Variants in RASGRP1 observed in about 807,000 individuals in gnomAD.
The protein encoded by RASGRP1 is RAS guanyl-releasing protein 1.
RASGRP1 carries 37 observed loss-of-function variants against 95.1 expected under a neutral mutation model. That is an observed-to-expected ratio of 0.39 (90% CI 0.30 to 0.51). RASGRP1 has a LOEUF of 0.51. Ranked by LOEUF, RASGRP1 falls within the 20% of genes least tolerant of loss-of-function variation. The probability of loss-of-function intolerance (pLI) is 0.80; values close to 1 mark genes in which losing one functional copy is unlikely to be tolerated. For missense variants in RASGRP1, 711 were observed against 965.4 expected (o/e 0.74, Z 3.49); for synonymous variants, 325 against 353.4 (o/e 0.92, Z 0.90).
chr15:38,507,712 A>T lies in RASGRP1; in HGVS notation c.1242+14T>A. The T allele has an allele frequency of 6.4e-7, 1 of 1,553,210 alleles. No individual in the cohort carries two copies. The highest frequency in any genetic ancestry group is 8.7e-7 in the Non-Finnish European group (1 of 1,147,464). On this transcript the variant is annotated intron_variant, in intron 9 of 16. Transcript: ENST00000310803. ...AGAAAGTGCTTAGTAATTGTCCTCC[A>T]GTGTGAGCCTCACCGTCAGCAAGTG...
intron 4 of RASGRP1, among the ~76,000 whole-genome samples, chr15:38,519,006 A>T (rs1891895476): frequency 2.6e-5 from 4 of 152,234 alleles, no homozygotes; most frequent in African/African-American, 7.2e-5. Context: ...CTACATTTTT[A>T]AAAATGTTCT....
chr15:38,550,736 C>T (rs1019493244), intron 2 of RASGRP1, among the ~76,000 whole-genome samples: 1 of 152,084 alleles, frequency 6.6e-6, no homozygotes. Context: ...CAAAAAGTTA[C>T]TGTGATTATA....
chr15:38,509,851 G>A (rs1024721830), intron 8 of RASGRP1, among the ~76,000 whole-genome samples: 1 of 152,192 alleles, frequency 6.6e-6, no homozygotes, highest in South Asian at 2.1e-4. Flanking sequence ...GGGGACTACT[G>A]TAACCCTTTT....
At chr15:38,518,515 G>A in intron 4 of RASGRP1, 92 bp from the exon 5 acceptor site, 1 of 1,355,598 alleles carries the variant, frequency 7.4e-7, no homozygotes, top group Non-Finnish European at 1.0e-6. Flanking sequence ...GCCACAAAGA[G>A]AACTCAGAAA....
chr15:38,495,225 C>T (rs62003584), intron 15 of RASGRP1, among the ~76,000 whole-genome samples: 1,705 of 152,280 alleles, frequency 0.011, 20 homozygotes, highest in Non-Finnish European at 0.019. Context: ...CCCGTTTGTA[C>T]AGTGGGCACA....
intron 2 of RASGRP1, among the ~76,000 whole-genome samples, chr15:38,537,906 G>T (rs956643881): frequency 1.3e-5 from 2 of 152,184 alleles, no homozygotes; most frequent in Non-Finnish European, 2.9e-5. Context: ...GGTGAGTGAG[G>T]AATCTCTTAC....
intron 9 of RASGRP1, 98 bp downstream of exon 9, chr15:38,507,628 C>A: frequency 7.5e-7 from 1 of 1,339,940 alleles, no homozygotes. Flanking sequence ...CTTCATAGAG[C>A]CTTTATGAGG....
chr15:38,534,982 C>T (rs1020002474), intron 2 of RASGRP1, among the ~76,000 whole-genome samples: 6 of 152,162 alleles, frequency 3.9e-5, no homozygotes, highest in Admixed American at 3.3e-4. Flanking sequence ...CTGAAGCAAG[C>T]GAGTGGCTGA....
chr15:38,496,368 G>A (rs1242149457), intron 15 of RASGRP1, among the ~76,000 whole-genome samples: 1 of 152,184 alleles, frequency 6.6e-6, no homozygotes, highest in East Asian at 1.9e-4. Context: ...CTGTGGGGCA[G>A]GGTTTGGAAA....
chr15:38,535,564 G>A lies in RASGRP1; in HGVS notation c.221-9160C>T, dbSNP rs564424025. On this transcript the variant is annotated intron_variant, in intron 2 of 16. Coordinates refer to ENST00000310803, the MANE Select transcript of RASGRP1 (RefSeq NM_005739.4). ...GGGGTGAAAATTCACGTCCCCTAAGGGCCCACAGTGCCTGCGCTGGTCCAT... is the reference window on the plus strand; with the variant it reads ...GGGGTGAAAATTCACGTCCCCTAAGAGCCCACAGTGCCTGCGCTGGTCCAT... Among the ~76,000 whole-genome samples the A allele has an allele frequency of 5.3e-5, 8 of 152,124 alleles. No individual in the cohort carries two copies. The South Asian group carries it at 1.5e-3, about 28-fold the overall frequency.
intron 2 of RASGRP1, among the ~76,000 whole-genome samples, chr15:38,531,236 C>T (rs1184724528): frequency 6.6e-6 from 1 of 152,146 alleles, no homozygotes. Flanking sequence ...GTCAAAGGGA[C>T]AATGGGTGGA....
At chr15:38,498,407 T>TTA (rs1460365566) in intron 15 of RASGRP1, among the ~76,000 whole-genome samples, 2 of 152,204 alleles carry the variant, frequency 1.3e-5, no homozygotes, top group Non-Finnish European at 2.9e-5. Context: ...TTAATTTACA[T>TTA]TATATATACA....
intron 2 of RASGRP1, among the ~76,000 whole-genome samples, chr15:38,527,479 C>T (rs1892266725): frequency 6.6e-6 from 1 of 152,132 alleles, no homozygotes; most frequent in South Asian, 2.1e-4. Flanking sequence ...GTGGTAATGA[C>T]TCCTGAGTGT....
chr15:38,533,060 C>T (rs1892509114), intron 2 of RASGRP1, among the ~76,000 whole-genome samples: 1 of 152,176 alleles, frequency 6.6e-6, no homozygotes, highest in Admixed American at 6.5e-5. Flanking sequence ...GGCAGCAACT[C>T]CGGAACAGTC....
chr15:38,558,775 T>C (rs1229769396), intron 2 of RASGRP1, among the ~76,000 whole-genome samples: 2 of 152,254 alleles, frequency 1.3e-5, no homozygotes, highest in Non-Finnish European at 2.9e-5. Context: ...TAAATGAATA[T>C]CCCTAACATG....
chr15:38,548,595 A>T (rs963117087), intron 2 of RASGRP1, among the ~76,000 whole-genome samples: 3 of 151,970 alleles, frequency 2.0e-5, no homozygotes, highest in African/African-American at 7.3e-5. Flanking sequence ...ATGGAAAATT[A>T]TAAGCATGTA....
At chr15:38,504,197 C>A (rs1195941799) in intron 10 of RASGRP1, 1 of 151,914 alleles carries the variant, frequency 6.6e-6, no homozygotes, top group African/African-American at 2.4e-5. Context: ...AATGTGGAGG[C>A]CTAACATTAC....
At chr15:38,558,718 C>T (rs1456548609) in intron 2 of RASGRP1, among the ~76,000 whole-genome samples, 1 of 152,238 alleles carries the variant, frequency 6.6e-6, no homozygotes, top group Non-Finnish European at 1.5e-5. Context: ...GTACTTTAAA[C>T]CAACGTTGAA....
intron 3 of RASGRP1, chr15:38,524,310 A>AGTGGCAG (rs1566925022): frequency 2.0e-5 from 3 of 152,284 alleles, no homozygotes; most frequent in African/African-American, 7.2e-5. Context: ...TGGTGGAAAC[A>AGTGGCAG]GTGGTAGGAA....
Sources: gnomAD v4.1 joint callset for allele counts (sites outside exome capture counted in the v4.1 genomes callset) on GRCh38, gnomAD v4.1.1 for gene constraint, MANE v1.5 for transcripts, NCBI Gene and HGNC (gene_info 2026-07-23, HGNC 2026-07-21) for gene names.